Variants in CCDC102B observed in about 807,000 individuals in gnomAD.
CCDC102B encodes the protein coiled-coil domain-containing protein 102B.
A neutral mutation model predicts 57.4 loss-of-function variants in CCDC102B; 75 were observed. The observed-to-expected ratio is 1.31, with a 90% CI of 1.08 to 1.58. The LOEUF (loss-of-function observed/expected upper bound fraction) is 1.58, where lower values mean the gene tolerates loss of function less well. CCDC102B is among the 40% of genes most tolerant of loss of function. The pLI, the probability that CCDC102B is intolerant of heterozygous loss-of-function variation, is 0.00. For missense variants in CCDC102B, 636 were observed against 582.6 expected (o/e 1.09, Z -0.94); for synonymous variants, 206 against 201.9 (o/e 1.02, Z -0.17).
chr18:68,980,529 T>C (rs531282443), intron 6 of CCDC102B, among the ~76,000 whole-genome samples: 2 of 152,124 alleles, frequency 1.3e-5, no homozygotes, highest in African/African-American at 4.8e-5. Context: ...TAATTTTTTG[T>C]TTTATTTTGC....
chr18:69,050,265 C>T (rs2052672785), intron 7 of CCDC102B, among the ~76,000 whole-genome samples: 1 of 152,148 alleles, frequency 6.6e-6, no homozygotes, highest in African/African-American at 2.4e-5. Flanking sequence ...AGATGAGATG[C>T]TCACGCGTAT....
chr18:68,791,865 C>T (rs2035473358), intron 2 of CCDC102B, among the ~76,000 whole-genome samples: 1 of 152,244 alleles, frequency 6.6e-6, no homozygotes, highest in Admixed American at 6.5e-5. Context: ...CTCATCTTTT[C>T]ACTACTCCAT....
At chr18:68,772,750 A>ATTT (rs1180568039) in intron 2 of CCDC102B, among the ~76,000 whole-genome samples, 3 of 152,176 alleles carry the variant, frequency 2.0e-5, no homozygotes, top group African/African-American at 7.2e-5. Flanking sequence ...ATGTTAGCAG[A>ATTT]GTATAGCCAG....
At chr18:68,788,165 C>T (rs1198071795) in intron 2 of CCDC102B, among the ~76,000 whole-genome samples, 1 of 152,110 alleles carries the variant, frequency 6.6e-6, no homozygotes, top group East Asian at 1.9e-4. Flanking sequence ...ATCCTGAGTT[C>T]TAGTTTGATT....
chr18:68,844,939 G>C (rs2037794577), intron 3 of CCDC102B, among the ~76,000 whole-genome samples: 1 of 150,052 alleles, frequency 6.7e-6, no homozygotes, highest in Non-Finnish European at 1.5e-5. Flanking sequence ...CTCTTTGTTT[G>C]TTAATTTTGT....
chr18:68,772,268 A>T (rs2034665272), intron 2 of CCDC102B, among the ~76,000 whole-genome samples: 1 of 152,156 alleles, frequency 6.6e-6, no homozygotes, highest in Non-Finnish European at 1.5e-5. Context: ...TTTGTACTGA[A>T]ATCTTTTTTG....
At position 68,847,114 on chromosome 18, in the gene CCDC102B, G is replaced by A. The variant is rs9807350; in HGVS notation, c.936+693G>A. 4.6e-3 allele frequency among the ~76,000 whole-genome samples: 702 copies of A among 151,778 alleles called. 6 individuals are homozygous for A. Among genetic ancestry groups the A allele is most frequent in the African/African-American group, 0.016 (676 of 41,474 alleles). On this transcript the variant is annotated intron_variant, in intron 4 of 7. Coordinates refer to ENST00000360242, the MANE Select transcript of CCDC102B (RefSeq NM_024781.3). Reference sequence around the variant, plus strand: ...TGAGTAAAGAAAAGAAAAATAATGGGCAAAATAATGACTATTTTTACATGA... The same window carrying A: ...TGAGTAAAGAAAAGAAAAATAATGGACAAAATAATGACTATTTTTACATGA...
chr18:68,950,512 G>A (rs1025993204), intron 6 of CCDC102B, among the ~76,000 whole-genome samples: 16 of 152,168 alleles, frequency 1.1e-4, no homozygotes, highest in African/African-American at 3.9e-4. Flanking sequence ...TTAAAAATAT[G>A]TATTTGTAAT....
chr18:68,738,171 G>A (rs999050112), intron 2 of CCDC102B, among the ~76,000 whole-genome samples: 7 of 151,514 alleles, frequency 4.6e-5, no homozygotes, highest in South Asian at 2.1e-4. Flanking sequence ...AGGTAGGACC[G>A]GGGTATTCCT....
At chr18:68,988,566 CAAAAA>C (rs4021722) in intron 6 of CCDC102B, among the ~76,000 whole-genome samples, 12 of 136,372 alleles carry the variant, frequency 8.8e-5, no homozygotes, top group Admixed American at 4.3e-4. Flanking sequence ...CAAAAAAAAA[CAAAAA>C]AAAAGGAAAA....
intron 1 of CCDC102B, among the ~76,000 whole-genome samples, chr18:68,826,971 A>G (rs557077227): frequency 1.6e-4 from 24 of 152,306 alleles, no homozygotes; most frequent in African/African-American, 5.1e-4. Context: ...AGGAATATCA[A>G]TTCAAATGAT....
At chr18:68,803,268 C>A (rs2144689082) in intron 1 of CCDC102B, among the ~76,000 whole-genome samples, 1 of 152,200 alleles carries the variant, frequency 6.6e-6, no homozygotes, top group Middle Eastern at 3.4e-3. Flanking sequence ...AGACACTGTT[C>A]TAGCAATGGA....
At chr18:68,793,800 G>A (rs12604788), upstream of CCDC102B, among the ~76,000 whole-genome samples, 2,045 of 152,154 alleles carry the variant, frequency 0.013, 28 homozygotes, top group East Asian at 0.055. Flanking sequence ...ATAGCTTTTT[G>A]AGAAAACAGA....
chr18:68,996,269 T>C (rs1197983060), intron 6 of CCDC102B, among the ~76,000 whole-genome samples: 1 of 152,120 alleles, frequency 6.6e-6, no homozygotes, highest in African/African-American at 2.4e-5. Flanking sequence ...GCCTCCATCT[T>C]TCTCCCATGC....
At chr18:68,972,557 TA>T (rs2050330472) in intron 6 of CCDC102B, among the ~76,000 whole-genome samples, 1 of 152,202 alleles carries the variant, frequency 6.6e-6, no homozygotes. Flanking sequence ...GTTTGTTATC[TA>T]ATACATCTCA....
At chr18:68,911,775 A>AAAAAAAAAAAAAAAAAAT (rs869185647) in intron 6 of CCDC102B, among the ~76,000 whole-genome samples, 1 of 141,088 alleles carries the variant, frequency 7.1e-6, no homozygotes, top group African/African-American at 2.6e-5. Flanking sequence ...AAAAAAAAAA[A>AAAAAAAAAAAAAAAAAAT]GATCAGAAAA....
intron 5 of CCDC102B, among the ~76,000 whole-genome samples, chr18:68,880,109 C>T (rs2039626172): frequency 6.6e-6 from 1 of 152,186 alleles, no homozygotes; most frequent in Admixed American, 6.5e-5. Context: ...AAGGCTCAGG[C>T]ATGGCGGGCT....
At chr18:68,850,437 T>C (rs1747159574) in intron 4 of CCDC102B, among the ~76,000 whole-genome samples, 1 of 151,992 alleles carries the variant, frequency 6.6e-6, no homozygotes, top group African/African-American at 2.4e-5. Flanking sequence ...AATGAGTGTT[T>C]CTCAAGATAT....
At chr18:68,935,085 G>A (rs917230555) in intron 6 of CCDC102B, among the ~76,000 whole-genome samples, 7 of 151,828 alleles carry the variant, frequency 4.6e-5, no homozygotes, top group South Asian at 2.1e-4. Flanking sequence ...AGAAAAGACC[G>A]CATCTATAAG....
Sources: gnomAD v4.1 joint callset for allele counts (sites outside exome capture counted in the v4.1 genomes callset) on GRCh38, gnomAD v4.1.1 for gene constraint, MANE v1.5 for transcripts, NCBI Gene and HGNC (gene_info 2026-07-23, HGNC 2026-07-21) for gene names.